Variants in BLTP1 observed in about 807,000 individuals in gnomAD.
BLTP1 encodes the protein bridge-like lipid transfer protein family member 1.
chr4:122,263,057 G>C, the BLTP1 span: 1 of 1,480,300 alleles, frequency 6.8e-7, no homozygotes, highest in Non-Finnish European at 9.1e-7. Flanking sequence ...CTTAAGTTTA[G>C]TTAGATATAT....
the BLTP1 span, among the ~76,000 whole-genome samples, chr4:122,274,905 C>G: frequency 6.6e-6 from 1 of 152,008 alleles, no homozygotes; most frequent in Non-Finnish European, 1.5e-5. Context: ...GTGATAGCTA[C>G]CTTGGGGAAT....
the BLTP1 span, chr4:122,263,320 GA>G: frequency 4.9e-6 from 7 of 1,416,830 alleles, no homozygotes; most frequent in Non-Finnish European, 6.4e-6. Context: ...TATGCAGTGA[GA>G]ATTCAAAACC....
At chr4:122,220,947 C>A in the BLTP1 span, 1 of 258,980 alleles carries the variant, frequency 3.9e-6, no homozygotes, top group Non-Finnish European at 6.0e-6. Context: ...AAAAGAGAAC[C>A]AATGATATTC....
chr4:122,329,297 TC>T, the BLTP1 span, among the ~76,000 whole-genome samples: 10 of 151,912 alleles, frequency 6.6e-5, no homozygotes. Flanking sequence ...TCTGTTATCT[TC>T]CAGCATCCAT....
At chr4:122,281,101 C>G in the BLTP1 span, among the ~76,000 whole-genome samples, 1 of 152,078 alleles carries the variant, frequency 6.6e-6, no homozygotes, top group Admixed American at 6.6e-5. Flanking sequence ...TGAGACAAAG[C>G]ACACAATGCA....
the BLTP1 span, chr4:122,236,732 TA>T: frequency 3.8e-5 from 35 of 928,614 alleles, no homozygotes; most frequent in Admixed American, 5.6e-4. Context: ...ATGAGGAAAA[TA>T]GTAAATTCTC....
chr4:122,332,349 A>G, the BLTP1 span, among the ~76,000 whole-genome samples: 1 of 152,032 alleles, frequency 6.6e-6, no homozygotes, highest in African/African-American at 2.4e-5. Flanking sequence ...CTATTAGTTT[A>G]TTTTTGATTG....
At chr4:122,244,790 A>G in the BLTP1 span, among the ~76,000 whole-genome samples, 2 of 152,210 alleles carry the variant, frequency 1.3e-5, no homozygotes, top group Non-Finnish European at 2.9e-5. Context: ...AGAAAAGATC[A>G]TTGCCCAGTG....
chr4:122,292,492 G>T, the BLTP1 span: 84 of 844,022 alleles, frequency 1.0e-4, no homozygotes, highest in Non-Finnish European at 1.1e-4. Flanking sequence ...TATTTGTTTA[G>T]CAAAATGATT....
chr4:122,333,526 T>A, the BLTP1 span: 2 of 1,200,896 alleles, frequency 1.7e-6, no homozygotes, highest in East Asian at 2.7e-5. Flanking sequence ...AGATTCTGGA[T>A]ATTAGCCCTT....
At chr4:122,313,775 G>C in the BLTP1 span, 1 of 744,406 alleles carries the variant, frequency 1.3e-6, no homozygotes, top group Non-Finnish European at 2.2e-6. Context: ...AGCTAATTCT[G>C]GTGTTCACTA....
chr4:122,297,801 G>A, the BLTP1 span, among the ~76,000 whole-genome samples: 2 of 152,186 alleles, frequency 1.3e-5, no homozygotes, highest in Admixed American at 1.3e-4. Context: ...GCATACTAAT[G>A]CAGGAACAGA....
At chr4:122,324,518 A>C in the BLTP1 span, 5 of 1,610,226 alleles carry the variant, frequency 3.1e-6, no homozygotes, top group Non-Finnish European at 4.2e-6. Context: ...CCACCTCTTA[A>C]GCGAATGGAA....
chr4:122,298,278 G>C, the BLTP1 span: 1 of 889,670 alleles, frequency 1.1e-6, no homozygotes, highest in Non-Finnish European at 1.3e-6. Context: ...TGTATCTCAT[G>C]ATGATTCCTA....
chr4:122,299,245 G>A, the BLTP1 span: 3 of 587,146 alleles, frequency 5.1e-6, no homozygotes, highest in African/African-American at 2.0e-5. Context: ...AGAGCACTTG[G>A]CACTCAGTAA....
chr4:122,341,660 G>A, the BLTP1 span: 2 of 970,104 alleles, frequency 2.1e-6, no homozygotes, highest in Non-Finnish European at 2.5e-6. Flanking sequence ...TTCAAGGAAT[G>A]ATGATAAGAA....
chr4:122,231,962 A>G, the BLTP1 span: 1 of 792,920 alleles, frequency 1.3e-6, no homozygotes, highest in African/African-American at 1.9e-5. Context: ...AATATTGTGT[A>G]AAATAAATTG....
At chr4:122,179,506 C>T in the BLTP1 span, among the ~76,000 whole-genome samples, 2 of 152,038 alleles carry the variant, frequency 1.3e-5, no homozygotes, top group Admixed American at 6.6e-5. Flanking sequence ...GGCTTCTGTC[C>T]AGGATCTTTT....
the BLTP1 span, chr4:122,259,930 TG>T: frequency 7.6e-6 from 7 of 915,980 alleles, no homozygotes; most frequent in Non-Finnish European, 9.1e-6. Context: ...ATCTGTAAAA[TG>T]ATAATTTTGA....
Sources: gnomAD v4.1 joint callset for allele counts (sites outside exome capture counted in the v4.1 genomes callset) on GRCh38, gnomAD v4.1.1 for gene constraint, MANE v1.5 for transcripts, NCBI Gene and HGNC (gene_info 2026-07-23, HGNC 2026-07-21) for gene names.